SLCO3A1: variants seen among roughly 807,000 people sequenced by gnomAD.
SLCO3A1 encodes PGE1 transporter.
A neutral mutation model predicts 63.1 loss-of-function variants in SLCO3A1; 27 were observed. The ratio of observed to expected loss-of-function variants is 0.43; its 90% CI spans 0.32 to 0.59. The LOEUF is 0.59. Ranked by LOEUF, SLCO3A1 falls within the 20% of genes least tolerant of loss-of-function variation. The pLI is 0.09. For synonymous variants in SLCO3A1, 473 were observed against 409.9 expected (o/e 1.15, Z -1.86); for missense variants, 773 against 945.8 (o/e 0.82, Z 2.40).
rs1324683883 is a variant in SLCO3A1, at chr15:92,033,424, T to C, written c.647-61457T>C. On this transcript the variant is annotated intron_variant, in intron 2 of 9. Transcript: ENST00000318445. The surrounding 1 kb of genome is among the most constrained non-coding windows in gnomAD (Gnocchi z 4.5). The stretch of plus-strand genomic sequence containing the variant: ...CTTCCCCTTAGTGGAGAAGTAACGA[T>C]GTTCACGCTTGGGCAGCTGGATGGA... Among the ~76,000 whole-genome samples the C allele has an allele frequency of 2.0e-5, 3 of 152,168 alleles. No individual in the cohort carries two copies. The highest frequency in any genetic ancestry group is 4.4e-5 in the Non-Finnish European group (3 of 68,030).
At chr15:91,878,807 G>A (rs2151341644) in intron 1 of SLCO3A1, among the ~76,000 whole-genome samples, 2 of 152,158 alleles carry the variant, frequency 1.3e-5, no homozygotes, top group East Asian at 3.9e-4. Context: ...TCATCAAAAG[G>A]ACCTTATGCT....
At chr15:91,889,242 G>A in intron 1 of SLCO3A1, 2 of 1,089,008 alleles carry the variant, frequency 1.8e-6, no homozygotes, top group African/African-American at 1.6e-5. Flanking sequence ...AGGACTGTGG[G>A]TGGTCCTGCT....
intron 2 of SLCO3A1, among the ~76,000 whole-genome samples, chr15:92,025,932 C>T (rs1229730683): frequency 6.6e-6 from 1 of 152,132 alleles, no homozygotes; most frequent in Non-Finnish European, 1.5e-5. Context: ...TGCTAATTAC[C>T]TTGTAAAGAC....
intron 1 of SLCO3A1, among the ~76,000 whole-genome samples, chr15:91,880,154 C>CTATCTATCT (rs1225031248): frequency 8.9e-5 from 12 of 134,630 alleles, no homozygotes; most frequent in Admixed American, 2.3e-4. Flanking sequence ...TCCATCCATC[C>CTATCTATCT]ATCCATCCAT....
intron 2 of SLCO3A1, among the ~76,000 whole-genome samples, chr15:92,044,335 T>A (rs919467226): frequency 2.6e-5 from 4 of 152,178 alleles, no homozygotes; most frequent in Non-Finnish European, 5.9e-5. Context: ...TGGGAACTTA[T>A]CTCTTATCCT....
intron 2 of SLCO3A1, among the ~76,000 whole-genome samples, chr15:91,983,223 T>C (rs1369148784): frequency 6.6e-6 from 1 of 152,244 alleles, no homozygotes; most frequent in Non-Finnish European, 1.5e-5. Flanking sequence ...ACACACATTA[T>C]CTCATTTCAT....
At chr15:92,143,670 A>G (rs2048180749) in intron 7 of SLCO3A1, among the ~76,000 whole-genome samples, 1 of 146,882 alleles carries the variant, frequency 6.8e-6, no homozygotes. Context: ...AGTTGGTGCA[A>G]AATTGTGGTT....
intron 2 of SLCO3A1, among the ~76,000 whole-genome samples, chr15:91,962,039 A>C (rs955261296): frequency 6.6e-6 from 1 of 152,200 alleles, no homozygotes; most frequent in Non-Finnish European, 1.5e-5. Flanking sequence ...TCAGAAGTTG[A>C]GCTCAGCTCT....
At chr15:92,018,315 G>A (rs916609724) in intron 2 of SLCO3A1, among the ~76,000 whole-genome samples, 11 of 152,304 alleles carry the variant, frequency 7.2e-5, no homozygotes, top group East Asian at 3.9e-4. Flanking sequence ...GCATTACTGT[G>A]CACAGTAGTC....
At chr15:92,073,818 C>T in intron 2 of SLCO3A1, among the ~76,000 whole-genome samples, 1 of 152,250 alleles carries the variant, frequency 6.6e-6, no homozygotes, top group East Asian at 1.9e-4. Flanking sequence ...TCAGACATGG[C>T]TCAGTGTTCC....
At position 91,915,982 on chromosome 15, in the gene SLCO3A1, G is replaced by GC. The variant is rs770774900; in HGVS notation, c.181-5dup. On this transcript the variant is annotated splice_polypyrimidine_tract_variant and intron_variant, in intron 1 of 9. Transcript: ENST00000318445. ...TGGATTGGCTCTGACCTTTCTTCTT[G>GC]CCCCCCTCAGGTGAGCGTCCTGACC... 1.2e-6 allele frequency: 2 copies of GC among 1,604,124 alleles called. No individual in the cohort carries two copies. The highest frequency in any genetic ancestry group is 1.7e-5 in the Admixed American group (1 of 58,232).
At position 92,126,379 on chromosome 15, in the gene SLCO3A1, G is replaced by A. The variant is rs561741714; in HGVS notation, c.1373+120G>A. On this transcript the variant is annotated intron_variant, in intron 6 of 9. Coordinates refer to ENST00000318445, the MANE Select transcript of SLCO3A1 (RefSeq NM_013272.4). ...TGACCTGAGGAGACGCATCACGGCT[G>A]CCTCTGCATCTTACTGTCCACGTTG... is the stretch of plus-strand genomic sequence containing the variant. 5 of 757,662 alleles carry A rather than the reference G, an allele frequency of 6.6e-6. No homozygotes were observed. The East Asian group carries it at 1.0e-4, about 16-fold the overall frequency. 46.9% of individuals were successfully genotyped at this position (757,662 alleles called of 1,614,324 possible).
rs1420670835 is a variant in SLCO3A1 at position 91,882,330 on chromosome 15, A to G, written c.180+28242A>G. ...AAACCATTCACACTCCTTAAATGGTATATATTGAACCCATGCATTTGCTTC... is the reference window on the plus strand; with the variant it reads ...AAACCATTCACACTCCTTAAATGGTGTATATTGAACCCATGCATTTGCTTC... On this transcript the variant is annotated intron_variant, in intron 1 of 9. Coordinates refer to ENST00000318445, the MANE Select transcript of SLCO3A1 (RefSeq NM_013272.4). This position sits in a 1 kb window ranked among gnomAD's most constrained non-coding sequence, Gnocchi z 4.4. 6.6e-6 allele frequency among the ~76,000 whole-genome samples: 1 copy of G among 152,226 alleles called. No individual in the cohort carries two copies. Among genetic ancestry groups the G allele is most frequent in the Non-Finnish European group, 1.5e-5 (1 of 68,032 alleles).
chr15:92,171,954 G>GA, exon 11 of SLCO3A1: 1 of 898,348 alleles, frequency 1.1e-6, no homozygotes, highest in East Asian at 2.6e-5. Context: ...CCCTGTCCGA[G>GA]AACCCGAGGG....
At chr15:92,066,097 C>T (rs2047148221) in intron 2 of SLCO3A1, among the ~76,000 whole-genome samples, 1 of 152,224 alleles carries the variant, frequency 6.6e-6, no homozygotes, top group South Asian at 2.1e-4. Flanking sequence ...GTGGGAGCAT[C>T]CTCAGTGGAG....
At chr15:92,120,299 G>A (rs913600497) in intron 4 of SLCO3A1, among the ~76,000 whole-genome samples, 166 bp from the exon 5 acceptor site, 3 of 152,138 alleles carry the variant, frequency 2.0e-5, no homozygotes, top group Non-Finnish European at 4.4e-5. Context: ...AATCATGGAT[G>A]ACTTATGGGG....
intron 2 of SLCO3A1, among the ~76,000 whole-genome samples, chr15:91,982,053 G>T (rs2045994637): frequency 1.3e-5 from 2 of 152,260 alleles, no homozygotes; most frequent in Admixed American, 1.3e-4. Context: ...AAAGTCCTTG[G>T]CGTGCAAGGT....
chr15:91,926,849 G>A (rs1899049097), intron 2 of SLCO3A1, among the ~76,000 whole-genome samples: 1 of 152,110 alleles, frequency 6.6e-6, no homozygotes, highest in Non-Finnish European at 1.5e-5. Context: ...TATGTACCCT[G>A]GGAGGAAAGC....
chr15:92,114,281 A>G (rs569904808), intron 4 of SLCO3A1, among the ~76,000 whole-genome samples: 10 of 152,306 alleles, frequency 6.6e-5, no homozygotes, highest in Middle Eastern at 6.8e-3. Context: ...TTACGAGGCT[A>G]TAACAGTTAC....
Sources: gnomAD v4.1 joint callset for allele counts (sites outside exome capture counted in the v4.1 genomes callset) on GRCh38, gnomAD v4.1.1 for gene constraint, Gnocchi (gnomAD v3.1) non-coding constraint, MANE v1.5 for transcripts, NCBI Gene and HGNC (gene_info 2026-07-23, HGNC 2026-07-21) for gene names.